SLA: variants seen among roughly 807,000 people sequenced by gnomAD.
The protein encoded by SLA is src-like-adapter.
A neutral mutation model predicts 30.3 loss-of-function variants in SLA; 16 were observed. That is an observed-to-expected ratio of 0.53 (90% CI 0.36 to 0.80). The LOEUF (loss-of-function observed/expected upper bound fraction) is 0.80, where lower values mean the gene tolerates loss of function less well. Among genes scored for constraint, SLA ranks in the 30% least tolerant of loss-of-function variants. The pLI is 0.01. For missense variants in SLA, 310 were observed against 345.2 expected, an observed-to-expected ratio of 0.90 and a Z score of 0.81; for synonymous variants, 143 against 137.8, an observed-to-expected ratio of 1.04 and a Z score of -0.26.
chr8:133,081,589 A>AC (rs1414846635), intron 1 of SLA, among the ~76,000 whole-genome samples: 2 of 85,156 alleles, frequency 2.3e-5, no homozygotes, highest in African/African-American at 5.0e-5. Flanking sequence ...GAAGAAGAAG[A>AC]AAAAAAAAGT....
At chr8:133,053,033 G>C (rs952064353) in intron 3 of SLA, among the ~76,000 whole-genome samples, 1 of 152,142 alleles carries the variant, frequency 6.6e-6, no homozygotes, top group Non-Finnish European at 1.5e-5. Context: ...ACATGTGATG[G>C]GCCTTTCTCC....
intron 1 of SLA, among the ~76,000 whole-genome samples, chr8:133,092,238 A>G (rs564210072): frequency 3.0e-4 from 46 of 152,310 alleles, no homozygotes; most frequent in African/African-American, 1.1e-3. Flanking sequence ...GGCCAGGCGC[A>G]GGCCCTGACT....
chr8:133,066,087 G>T (rs1171217647), intron 2 of SLA, among the ~76,000 whole-genome samples: 5 of 152,132 alleles, frequency 3.3e-5, no homozygotes, highest in African/African-American at 1.2e-4. Context: ...TACTTAGGAG[G>T]CTGAGGCGGG....
chr8:133,045,978 G>A (rs1018694738), intron 6 of SLA, among the ~76,000 whole-genome samples: 3 of 152,172 alleles, frequency 2.0e-5, no homozygotes, highest in South Asian at 4.1e-4. Context: ...TCAGAAATCT[G>A]GAGAAGCTGA....
Position 133,102,590 on chromosome 8 carries a change from C to A in SLA, c.-356G>T. ...AGGGCTGCCTGAGATGTTCTCCATT[C>A]GCAGCAAATGATCTTATTTTCTGAA... On this transcript the variant is annotated 5_prime_UTR_variant, in exon 1 of 9. Coordinates refer to ENST00000338087, the MANE Select transcript of SLA (RefSeq NM_001045556.3). 1 of 1,550,838 alleles carries A rather than the reference C, an allele frequency of 6.4e-7. No homozygotes were observed.
intron 1 of SLA, among the ~76,000 whole-genome samples, chr8:133,093,367 A>G (rs1847888281): frequency 7.5e-6 from 1 of 133,834 alleles, no homozygotes. Context: ...TCTCTCTTTT[A>G]AAAATGCTGA....
At chr8:133,054,455 T>A (rs1005190403) in intron 3 of SLA, among the ~76,000 whole-genome samples, 2 of 152,204 alleles carry the variant, frequency 1.3e-5, no homozygotes, top group Non-Finnish European at 2.9e-5. Flanking sequence ...AATCTGAGCT[T>A]GATTTCTTCG....
Position 133,045,021 on chromosome 8 carries a change from G to A in SLA, c.447C>T (p.Thr149=), listed in dbSNP as rs1434170686. The change falls in exon 7 of 9, where the codon ACC becomes ACT. Residue 149 remains threonine (T), a synonymous_variant. Transcript: ENST00000338087. ...NNWYYISPRL[T]FQCLEDLVNH... is the part of the protein sequence containing the mutation. ...TCACCAGGTCCTCCAGGCACTGGAA[G>A]GTGAGCCTCGGGGAAATGTAGTACC... 2.5e-6 allele frequency: 4 copies of A among 1,614,158 alleles called. No individual in the cohort carries two copies. The highest frequency in any genetic ancestry group is 2.2e-5 in the East Asian group (1 of 44,886).
At chr8:133,076,429 T>A (rs1428361364) in intron 1 of SLA, among the ~76,000 whole-genome samples, 2 of 152,102 alleles carry the variant, frequency 1.3e-5, no homozygotes, top group East Asian at 3.9e-4. Context: ...AGAGAGATGG[T>A]TCCTTAGACA....
At chr8:133,054,310 A>T (rs1455644899) in intron 3 of SLA, among the ~76,000 whole-genome samples, 1 of 152,196 alleles carries the variant, frequency 6.6e-6, no homozygotes, top group Non-Finnish European at 1.5e-5. Flanking sequence ...AGACATATGC[A>T]CTGCGCATGA....
rs1399573753 is a variant in SLA at position 133,093,057 on chromosome 8, C to A, written c.-319+9496G>T. ...CCTCTCTGCCTGCCTGTGGGCCCTT[C>A]TGCTGTTTGCTATTCAGAACACGGA... On this transcript the variant is annotated intron_variant, in intron 1 of 8. Coordinates refer to ENST00000338087, the MANE Select transcript of SLA (RefSeq NM_001045556.3). Among the ~76,000 whole-genome samples, 3 of 152,232 alleles carry A rather than the reference C, an allele frequency of 2.0e-5. No individual in the cohort carries two copies. In the East Asian group the frequency reaches 5.8e-4, roughly 29 times the overall value.
At chr8:133,053,613 T>C (rs1405589352) in intron 3 of SLA, among the ~76,000 whole-genome samples, 1 of 152,204 alleles carries the variant, frequency 6.6e-6, no homozygotes, top group Admixed American at 6.5e-5. Context: ...AGGTAGATGG[T>C]GTGTCTACAG....
chr8:133,066,200 C>T (rs935669804), intron 2 of SLA, among the ~76,000 whole-genome samples: 1 of 151,870 alleles, frequency 6.6e-6, no homozygotes, highest in Non-Finnish European at 1.5e-5. Flanking sequence ...GTGGCAGGCA[C>T]CTGTAGTCCC....
chr8:133,095,326 C>A, intron 1 of SLA: 3 of 1,396,624 alleles, frequency 2.1e-6, no homozygotes, highest in Non-Finnish European at 3.0e-6. Context: ...GGCTGATGAC[C>A]AACTGGAGCT....
chr8:133,097,974 G>C (rs1371760063), intron 1 of SLA, among the ~76,000 whole-genome samples: 1 of 152,068 alleles, frequency 6.6e-6, no homozygotes, highest in South Asian at 2.1e-4. Context: ...GTTGCAAGGG[G>C]GGGTGTCAAG....
chr8:133,055,365 GCACA>G (rs869172140), intron 3 of SLA, among the ~76,000 whole-genome samples: 138 of 62,264 alleles, frequency 2.2e-3, no homozygotes, highest in African/African-American at 9.0e-3. Flanking sequence ...ACGCACGCGC[GCACA>G]CACACACACA....
intron 3 of SLA, among the ~76,000 whole-genome samples, chr8:133,053,244 C>T (rs1264929306): frequency 3.9e-5 from 6 of 152,182 alleles, no homozygotes; most frequent in Non-Finnish European, 8.8e-5. Flanking sequence ...GAAGCGGTTA[C>T]CCCAGGTTGC....
chr8:133,070,486 T>G (rs895051505), intron 2 of SLA, among the ~76,000 whole-genome samples: 1 of 152,158 alleles, frequency 6.6e-6, no homozygotes, highest in Non-Finnish European at 1.5e-5. Flanking sequence ...ACATACTGTT[T>G]TATAGACAAG....
At chr8:133,095,728 G>A (rs1251067045) in intron 1 of SLA, among the ~76,000 whole-genome samples, 1 of 152,214 alleles carries the variant, frequency 6.6e-6, no homozygotes, top group Non-Finnish European at 1.5e-5. Context: ...TAATGAAGGG[G>A]ACATTAGCAG....
Sources: allele counts gnomAD v4.1 joint callset (sites outside exome capture counted in the v4.1 genomes callset), GRCh38; gene constraint gnomAD v4.1.1; transcripts MANE v1.5; gene names NCBI Gene and HGNC (gene_info 2026-07-23, HGNC 2026-07-21).